The following RGS17 variants were observed in gnomAD, a reference collection of about 807,000 sequenced individuals.
The protein encoded by RGS17 is regulator of G protein signaling 17.
RGS17 carries 12 observed loss-of-function variants against 25.5 expected under a neutral mutation model. The observed-to-expected ratio is 0.47, with a 90% confidence interval of 0.30 to 0.76. The LOEUF is 0.76. RGS17 is among the 30% of genes least tolerant of loss of function. The probability of loss-of-function intolerance (pLI) is 0.07; values close to 1 mark genes in which losing one functional copy is unlikely to be tolerated. For synonymous variants in RGS17, 71 were observed against 76.9 expected (o/e 0.92, Z 0.40); for missense variants, 196 against 242.2 (o/e 0.81, Z 1.27).
At chr6:153,041,074 A>G (rs1584130008) in intron 2 of RGS17, among the ~76,000 whole-genome samples, 1 of 151,190 alleles carries the variant, frequency 6.6e-6, no homozygotes, top group East Asian at 1.9e-4. Flanking sequence ...CTGAGGAGGG[A>G]GGATCACTTG....
chr6:153,067,810 C>CCAAACGCAGAAGAA (rs1776731536), intron 1 of RGS17, among the ~76,000 whole-genome samples: 1 of 152,138 alleles, frequency 6.6e-6, no homozygotes. Flanking sequence ...TAAAAGCTAT[C>CCAAACGCAGAAGAA]TTAAAATTTA....
chr6:153,079,945 C>T (rs1449402723), intron 1 of RGS17, among the ~76,000 whole-genome samples: 1 of 152,030 alleles, frequency 6.6e-6, no homozygotes, highest in Non-Finnish European at 1.5e-5. Context: ...GGATTCCAAA[C>T]TTAATAGTTA....
intron 1 of RGS17, among the ~76,000 whole-genome samples, chr6:153,061,807 T>C (rs1776642958): frequency 6.6e-6 from 1 of 152,068 alleles, no homozygotes; most frequent in South Asian, 2.1e-4. Flanking sequence ...ACAATGTAGG[T>C]TACCTGTGAT....
Position 153,024,428 on chromosome 6 carries a change from G to T in RGS17, c.278C>A (p.Ala93Glu), listed in dbSNP as rs1341728618. The part of the protein sequence containing the change: ...QNFDKMMKAP[A>E]GRNLFREFLR... Reference sequence around the variant, plus strand: ...GAACTCTCTGAAAAGGTTTCTTCCTGCTGGGGCCTTCATCATCTTGTCAAA... The same window carrying T: ...GAACTCTCTGAAAAGGTTTCTTCCTTCTGGGGCCTTCATCATCTTGTCAAA... The change falls in exon 4 of 5, where the codon GCA (alanine) becomes GAA (glutamate). Residue 93 changes from alanine to glutamate, a missense_variant. This residue lies in a region of RGS17 where 179 missense variants were observed against 197.6 expected (regional missense o/e 0.91). Coordinates refer to ENST00000206262, the MANE Select transcript of RGS17 (RefSeq NM_012419.5). 5 of 1,614,132 alleles carry T rather than the reference G, an allele frequency of 3.1e-6. No homozygotes were observed. In the South Asian group the frequency reaches 4.4e-5, roughly 14 times the overall value.
chr6:153,047,184 A>G (rs529525424), intron 1 of RGS17, among the ~76,000 whole-genome samples: 20 of 152,316 alleles, frequency 1.3e-4, no homozygotes, highest in African/African-American at 4.8e-4. Context: ...GATTACTCAA[A>G]TATTTGCTGG....
At chr6:153,101,922 C>T (rs1281970) in intron 1 of RGS17, among the ~76,000 whole-genome samples, 91,012 of 152,042 alleles carry the variant, frequency 0.6, 28,088 homozygotes, top group East Asian at 0.88. Context: ...TGTGAGTCAA[C>T]TAAACATTTC....
Position 153,008,963 on chromosome 6 carries a change from A to T in RGS17, c.*2611T>A, listed in dbSNP as rs1341879732. 1 of 152,166 alleles carries T rather than the reference A, an allele frequency of 6.6e-6. No homozygotes were observed. 9.4% of individuals were successfully genotyped at this position (152,166 alleles called of 1,614,324 possible). ...CCCAAAAATACGAGTTTAGCACAGA[A>T]ATGCTCACATAGCATGGTTATCAAC... On this transcript the variant is annotated 3_prime_UTR_variant, in exon 5 of 5. Transcript: ENST00000206262.
chr6:153,024,666 C>T (rs1256862655), intron 3 of RGS17, among the ~76,000 whole-genome samples, 170 bp from the exon 4 acceptor site: 1 of 152,154 alleles, frequency 6.6e-6, no homozygotes, highest in Non-Finnish European at 1.5e-5. Flanking sequence ...GTCAGGACTA[C>T]GTCAGTTATT....
chr6:153,026,729 T>C (rs1266655398), intron 2 of RGS17, among the ~76,000 whole-genome samples, 186 bp from the exon 3 acceptor site: 1 of 152,232 alleles, frequency 6.6e-6, no homozygotes, highest in African/African-American at 2.4e-5. Flanking sequence ...AAGAGAATAA[T>C]TTTTAAATAA....
At chr6:153,033,928 T>C (rs145669637) in intron 2 of RGS17, among the ~76,000 whole-genome samples, 1 of 152,244 alleles carries the variant, frequency 6.6e-6, no homozygotes, top group Non-Finnish European at 1.5e-5. Flanking sequence ...AATGGACTTC[T>C]ATTTAGTTAG....
chr6:153,012,508 TC>T (rs1779144356), intron 4 of RGS17, among the ~76,000 whole-genome samples: 1 of 152,136 alleles, frequency 6.6e-6, no homozygotes, highest in African/African-American at 2.4e-5. Context: ...TTTAGGATCT[TC>T]CCCCTTCCTC....
rs917576888 is a variant in RGS17, at chr6:153,015,031, G to A, written c.445-3269C>T. Among the ~76,000 whole-genome samples the A allele has an allele frequency of 3.9e-5, 6 of 152,178 alleles. 1 individual carries two copies. Among genetic ancestry groups the A allele is most frequent in the African/African-American group, 1.4e-4 (6 of 41,432 alleles). ...TGAGGAGTTCAAGACTTCAGTGGAG[G>A]AACTAACTGCAGATGTGGTGGAAAT... On this transcript the variant is annotated intron_variant, in intron 4 of 4. Coordinates refer to ENST00000206262, the MANE Select transcript of RGS17 (RefSeq NM_012419.5).
At chr6:153,056,702 T>C (rs1287964822) in intron 1 of RGS17, among the ~76,000 whole-genome samples, 2 of 152,144 alleles carry the variant, frequency 1.3e-5, no homozygotes, top group African/African-American at 4.8e-5. Context: ...AGTGAGATGA[T>C]GAATCCCTAT....
intron 1 of RGS17, among the ~76,000 whole-genome samples, chr6:153,106,699 A>G (rs1777389994): frequency 6.6e-6 from 1 of 151,916 alleles, no homozygotes; most frequent in African/African-American, 2.4e-5. Context: ...CTGGAGTGCA[A>G]TGGTGCGATT....
intron 1 of RGS17, among the ~76,000 whole-genome samples, chr6:153,122,558 T>A (rs1466180912): frequency 6.6e-6 from 1 of 152,108 alleles, no homozygotes; most frequent in African/African-American, 2.4e-5. Flanking sequence ...CCAATATTAT[T>A]TACTGATAAA....
chr6:153,085,334 C>T (rs1477359849), intron 1 of RGS17, among the ~76,000 whole-genome samples: 2 of 152,130 alleles, frequency 1.3e-5, no homozygotes, highest in South Asian at 2.1e-4. Flanking sequence ...ATCCTCCTCA[C>T]GCAGAGAAGA....
Position 153,094,461 on chromosome 6 carries a change from T to C in RGS17, c.-26+36663A>G, listed in dbSNP as rs548519469. Among the ~76,000 whole-genome samples, 19 of 152,322 alleles carry C rather than the reference T, an allele frequency of 1.2e-4. No individual in the cohort carries two copies. The East Asian group carries it at 3.5e-3, about 28-fold the overall frequency. On this transcript the variant is annotated intron_variant, in intron 1 of 4. Coordinates refer to ENST00000206262, the MANE Select transcript of RGS17 (RefSeq NM_012419.5). ...TAATGTTGATAATTAGATAATATTA[T>C]AGATAACTTCTCATCCTTGTACCTT...
At chr6:153,020,712 A>AT (rs1487742935) in intron 4 of RGS17, among the ~76,000 whole-genome samples, 1 of 152,204 alleles carries the variant, frequency 6.6e-6, no homozygotes, top group African/African-American at 2.4e-5. Flanking sequence ...AATCATGACA[A>AT]TTTTTAGGCA....
chr6:153,110,045 A>G (rs1562336632), intron 1 of RGS17, among the ~76,000 whole-genome samples: 1 of 152,248 alleles, frequency 6.6e-6, no homozygotes, highest in Non-Finnish European at 1.5e-5. Context: ...AAGAATGAAT[A>G]CAATTGATAT....
Sources: gnomAD v4.1 joint callset for allele counts (sites outside exome capture counted in the v4.1 genomes callset) on GRCh38, gnomAD v4.1.1 for gene constraint, gnomAD v4.1.1 regional missense constraint, MANE v1.5 for transcripts, NCBI Gene and HGNC (gene_info 2026-07-23, HGNC 2026-07-21) for gene names.